Variants in RAB40B observed in about 807,000 individuals in gnomAD.
The protein encoded by RAB40B is RAB40B, member RAS oncogene family.
A neutral mutation model predicts 24.0 loss-of-function variants in RAB40B; 21 were observed. That is an observed-to-expected ratio of 0.88 (90% CI 0.62 to 1.26). RAB40B has a LOEUF of 1.26. RAB40B is among the 50% of genes most tolerant of loss of function. The pLI, the probability that RAB40B is intolerant of heterozygous loss-of-function variation, is 0.00. For synonymous variants in RAB40B, 167 were observed against 169.8 expected, an observed-to-expected ratio of 0.98 and a Z score of 0.13; for missense variants, 348 against 390.5, an observed-to-expected ratio of 0.89 and a Z score of 0.92.
At chr17:82,680,000 C>T (rs2046433866) in intron 1 of RAB40B, among the ~76,000 whole-genome samples, 1 of 152,242 alleles carries the variant, frequency 6.6e-6, no homozygotes, top group Non-Finnish European at 1.5e-5. Context: ...CCAGAGCTCC[C>T]CTCACAACCC....
rs533180775 is a variant in RAB40B at position 82,667,760 on chromosome 17, C to A, written c.143-3204G>T. Among the ~76,000 whole-genome samples, 1 of 152,190 alleles carries A rather than the reference C, an allele frequency of 6.6e-6. No individual in the cohort carries two copies. The highest frequency in any genetic ancestry group is 2.4e-5 in the African/African-American group (1 of 41,450). ...ACAAAAGATACAGCAGCACTGAGAA[C>A]GCCCGAAGCACCCGCTTTGCAGACG... On this transcript the variant is annotated intron_variant, in intron 1 of 5. Transcript: ENST00000571995. This position sits in a 1 kb window ranked among gnomAD's most constrained non-coding sequence, Gnocchi z 4.3.
At chr17:82,693,046 A>G (rs140615730) in intron 1 of RAB40B, among the ~76,000 whole-genome samples, 2,817 of 151,692 alleles carry the variant, frequency 0.019, 89 homozygotes, top group African/African-American at 0.064. Context: ...TCTGTTGCCC[A>G]GGCTGGTGTG....
At chr17:82,664,649 G>C (rs1248509431) in intron 1 of RAB40B, 93 bp from the exon 2 acceptor site, 1 of 1,239,036 alleles carries the variant, frequency 8.1e-7, no homozygotes, top group Non-Finnish European at 1.2e-6. Context: ...TTTCTCATCA[G>C]TGCAACTTCC....
intron 2 of RAB40B, 195 bp from the exon 3 acceptor site, chr17:82,661,242 T>C (rs1392537453): frequency 1.5e-6 from 2 of 1,363,190 alleles, no homozygotes; most frequent in South Asian, 2.1e-5. Flanking sequence ...CCCAGGCTCA[T>C]GCTCTTCTCT....
chr17:82,668,865 C>T (rs998305711), intron 1 of RAB40B, among the ~76,000 whole-genome samples: 1 of 152,218 alleles, frequency 6.6e-6, no homozygotes, highest in Admixed American at 6.5e-5. Context: ...CCGCTGCAGC[C>T]GGCATCTTGG....
At chr17:82,694,547 A>G (rs2046589219) in intron 1 of RAB40B, among the ~76,000 whole-genome samples, 1 of 143,238 alleles carries the variant, frequency 7.0e-6, no homozygotes, top group Non-Finnish European at 1.5e-5. Flanking sequence ...AAAAAAATAC[A>G]TACACACACA....
At chr17:82,660,125 G>A (rs1013480280) in intron 3 of RAB40B, among the ~76,000 whole-genome samples, 2 of 149,874 alleles carry the variant, frequency 1.3e-5, no homozygotes, top group African/African-American at 4.9e-5. Flanking sequence ...ACCTGCACAC[G>A]TGTACACACG....
At chr17:82,668,631 C>T (rs950963881) in intron 1 of RAB40B, among the ~76,000 whole-genome samples, 1 of 152,256 alleles carries the variant, frequency 6.6e-6, no homozygotes, top group African/African-American at 2.4e-5. Flanking sequence ...CACCTGGGCT[C>T]AGCCCCAACT....
intron 1 of RAB40B, among the ~76,000 whole-genome samples, chr17:82,693,136 G>A (rs2046575313): frequency 6.6e-6 from 1 of 152,022 alleles, no homozygotes; most frequent in Non-Finnish European, 1.5e-5. Context: ...CCGAGTAGCT[G>A]GGAATACAGG....
chr17:82,698,377 A>AC, intron 1 of RAB40B, 78 bp downstream of exon 1: 2 of 21,390 alleles, frequency 9.4e-5, no homozygotes, highest in Non-Finnish European at 1.4e-4. Flanking sequence ...CCGGACCCCC[A>AC]CCCGCACCCC....
intron 1 of RAB40B, among the ~76,000 whole-genome samples, chr17:82,674,780 GC>G (rs1322569323): frequency 6.6e-6 from 1 of 152,168 alleles, no homozygotes; most frequent in Non-Finnish European, 1.5e-5. Flanking sequence ...TGGAGTTGCT[GC>G]CGGCCAGCTT....
intron 1 of RAB40B, among the ~76,000 whole-genome samples, chr17:82,677,468 G>A (rs985928344): frequency 1.3e-5 from 2 of 152,210 alleles, no homozygotes; most frequent in Non-Finnish European, 2.9e-5. Context: ...CCATCCTGCA[G>A]CGGCCAGCTC....
Position 82,654,990 on chromosome 17 carries a change from TTA to T in RAB40B, c.*2871_*2872del, listed in dbSNP as rs1343968807. On this transcript the variant is annotated 3_prime_UTR_variant, in exon 6 of 6. Transcript: ENST00000571995. ...AGTTTCTCTAAGGTTTAATTTATAT[TTA>T]TGTTTTTTGTATATTCACCACCCAA... 2.0e-5 allele frequency: 3 copies of T among 152,164 alleles called. No individual in the cohort carries two copies. Among genetic ancestry groups the T allele is most frequent in the African/African-American group, 7.2e-5 (3 of 41,422 alleles). The allele number at this position is 152,164 out of a possible 1,614,324, so 9.4% of individuals were successfully genotyped here. A position where few individuals can be genotyped will look rare whatever the true frequency, so the allele number is the denominator to read the frequency against.
chr17:82,678,978 G>A (rs1256040937), intron 1 of RAB40B, among the ~76,000 whole-genome samples: 1 of 146,904 alleles, frequency 6.8e-6, no homozygotes, highest in Non-Finnish European at 1.5e-5. Context: ...CGCCTCCCAG[G>A]TTCACACCAT....
intron 4 of RAB40B, chr17:82,659,314 C>T: frequency 2.1e-6 from 1 of 483,848 alleles, no homozygotes; most frequent in Non-Finnish European, 3.8e-6. Flanking sequence ...GCAGGCCAAA[C>T]CTGACCCCAC....
chr17:82,697,558 C>T lies in RAB40B; in HGVS notation c.142+897G>A, dbSNP rs983993237. On this transcript the variant is annotated intron_variant, in intron 1 of 5. Transcript: ENST00000571995. This position sits in a 1 kb window ranked among gnomAD's most constrained non-coding sequence, Gnocchi z 4.9. ...GGCAGGAAGGTGGGCACAGGCTGGG[C>T]TCCTTCCACAGCCTCAGGGTCGGCC... Among the ~76,000 whole-genome samples the T allele has an allele frequency of 5.9e-5, 9 of 152,306 alleles. No individual in the cohort carries two copies. Among genetic ancestry groups the T allele is most frequent in the Admixed American group, 6.5e-5 (1 of 15,314 alleles).
chr17:82,659,790 C>T (rs962775418), intron 3 of RAB40B, 133 bp from the exon 4 acceptor site: 17 of 683,972 alleles, frequency 2.5e-5, no homozygotes, highest in Non-Finnish European at 4.3e-5. Context: ...GATTTATCAA[C>T]TGAATGTAGC....
chr17:82,688,933 CA>C (rs1171072704), intron 1 of RAB40B, among the ~76,000 whole-genome samples: 1 of 152,004 alleles, frequency 6.6e-6, no homozygotes, highest in Non-Finnish European at 1.5e-5. Flanking sequence ...GACTCTGTCT[CA>C]AAAAAAATTT....
At chr17:82,698,392 C>G in intron 1 of RAB40B, 63 bp downstream of exon 1, 3 of 766,722 alleles carry the variant, frequency 3.9e-6, no homozygotes, top group Non-Finnish European at 3.4e-6. Context: ...CACCCCCTCC[C>G]CAGCCCCGCG....
Sources: allele counts gnomAD v4.1 joint callset (sites outside exome capture counted in the v4.1 genomes callset), GRCh38; gene constraint gnomAD v4.1.1; non-coding constraint Gnocchi (gnomAD v3.1); transcripts MANE v1.5; gene names NCBI Gene and HGNC (gene_info 2026-07-23, HGNC 2026-07-21).